The following TAFA1 variants were observed in gnomAD, a reference collection of about 807,000 sequenced individuals.
TAFA1 encodes chemokine-like protein TAFA-1.
In TAFA1, 4 loss-of-function variants were observed where a neutral mutation model predicts 18.5. That is an observed-to-expected ratio of 0.22 (90% CI 0.11 to 0.49). The LOEUF (loss-of-function observed/expected upper bound fraction) is 0.49, where lower values mean the gene tolerates loss of function less well. Ranked by LOEUF, TAFA1 falls within the 20% of genes least tolerant of loss-of-function variation. The probability of loss-of-function intolerance (pLI) is 0.98; values close to 1 mark genes in which losing one functional copy is unlikely to be tolerated. For synonymous variants in TAFA1, 56 were observed against 55.2 expected, an observed-to-expected ratio of 1.01 and a Z score of -0.06; for missense variants, 147 against 169.0, an observed-to-expected ratio of 0.87 and a Z score of 0.72.
chr3:68,524,164 A>G (rs2073069885), intron 3 of TAFA1, among the ~76,000 whole-genome samples: 2 of 152,244 alleles, frequency 1.3e-5, no homozygotes, highest in South Asian at 4.1e-4. Flanking sequence ...CCTCTGTCAC[A>G]TGTCTGATGA....
At chr3:68,534,250 C>G (rs1450800170) in intron 3 of TAFA1, among the ~76,000 whole-genome samples, 1 of 152,144 alleles carries the variant, frequency 6.6e-6, no homozygotes, top group Non-Finnish European at 1.5e-5. Context: ...GGGCTGCTAC[C>G]TGAGAAGTTT....
In TAFA1 at chr3:68,327,662, A is replaced by G. The variant is rs530025367; in HGVS notation, c.119-89618A>G. 8.5e-5 allele frequency among the ~76,000 whole-genome samples: 13 copies of G among 152,356 alleles called. No homozygotes were observed. The South Asian group carries it at 1.0e-3, about 12-fold the overall frequency. ...ATCCTTGGCTCAGTGCTGGGCACAA[A>G]GTGAGTACTCAACAAAGGGCATTAG... On this transcript the variant is annotated intron_variant, in intron 2 of 4. Coordinates refer to ENST00000478136, the MANE Select transcript of TAFA1 (RefSeq NM_213609.4).
chr3:68,377,956 G>C (rs2069851308), intron 2 of TAFA1, among the ~76,000 whole-genome samples: 1 of 152,192 alleles, frequency 6.6e-6, no homozygotes, highest in South Asian at 2.1e-4. Context: ...CAGAAGAATT[G>C]AGGTTTGGGA....
intron 3 of TAFA1, among the ~76,000 whole-genome samples, chr3:68,461,446 A>G (rs2071780074): frequency 6.7e-6 from 1 of 148,814 alleles, no homozygotes; most frequent in South Asian, 2.2e-4. Context: ...ATGTGATCCA[A>G]TTATTTTTCC....
intron 2 of TAFA1, among the ~76,000 whole-genome samples, chr3:68,387,743 A>AGT (rs1161798251): frequency 7.9e-5 from 12 of 152,174 alleles, no homozygotes; most frequent in Non-Finnish European, 1.8e-4. Context: ...GAGGTCCATC[A>AGT]GTAGTACATG....
intron 3 of TAFA1, among the ~76,000 whole-genome samples, chr3:68,524,906 C>T (rs1290814530): frequency 2.0e-5 from 3 of 152,086 alleles, no homozygotes; most frequent in Non-Finnish European, 4.4e-5. Context: ...CTCCCGACCT[C>T]GTGATCCGCC....
At chr3:68,327,645 C>G (rs2068798440) in intron 2 of TAFA1, among the ~76,000 whole-genome samples, 1 of 152,188 alleles carries the variant, frequency 6.6e-6, no homozygotes, top group African/African-American at 2.4e-5. Context: ...AAATCCTTGG[C>G]TCAGTGCTGG....
At chr3:68,037,239 G>A (rs994215197) in intron 2 of TAFA1, among the ~76,000 whole-genome samples, 3 of 152,174 alleles carry the variant, frequency 2.0e-5, no homozygotes, top group African/African-American at 7.2e-5. Context: ...AGTGTGTCTA[G>A]AGAAACTTGA....
At chr3:68,492,686 A>G (rs764504477) in intron 3 of TAFA1, among the ~76,000 whole-genome samples, 1 of 152,210 alleles carries the variant, frequency 6.6e-6, no homozygotes, top group Non-Finnish European at 1.5e-5. Flanking sequence ...TTTTGTAGAA[A>G]AAAACAGAAC....
At chr3:68,320,659 C>A (rs973019125) in intron 2 of TAFA1, among the ~76,000 whole-genome samples, 1 of 152,192 alleles carries the variant, frequency 6.6e-6, no homozygotes, top group African/African-American at 2.4e-5. Context: ...CCTGTTACTG[C>A]TAATACCCAT....
chr3:68,118,025 AT>A (rs1253334621), intron 2 of TAFA1, among the ~76,000 whole-genome samples: 2 of 152,058 alleles, frequency 1.3e-5, no homozygotes, highest in East Asian at 1.9e-4. Context: ...GTTGAAAACA[AT>A]TTTTTTCATG....
intron 2 of TAFA1, among the ~76,000 whole-genome samples, chr3:68,343,557 A>G (rs73838703): frequency 6.6e-6 from 1 of 152,162 alleles, no homozygotes; most frequent in East Asian, 1.9e-4. Flanking sequence ...GTACCCATGG[A>G]TACTACAGTG....
intron 2 of TAFA1, among the ~76,000 whole-genome samples, chr3:68,209,653 C>T (rs1188920842): frequency 6.6e-6 from 1 of 152,018 alleles, no homozygotes; most frequent in African/African-American, 2.4e-5. Context: ...CTCAAAATTG[C>T]AGTCATAGGT....
At chr3:68,275,824 C>T (rs530059348) in intron 2 of TAFA1, among the ~76,000 whole-genome samples, 10 of 152,128 alleles carry the variant, frequency 6.6e-5, no homozygotes, top group Admixed American at 4.6e-4. Flanking sequence ...AATTTGGACT[C>T]GGGACTTGAG....
intron 2 of TAFA1, among the ~76,000 whole-genome samples, chr3:68,329,216 C>CTTTTTTTTTTTTTT (rs10681423): frequency 0.01 from 924 of 89,010 alleles, 7 homozygotes; most frequent in East Asian, 0.019. Flanking sequence ...GCCTGGCTGC[C>CTTTTTTTTTTTTTT]TTTTTTTTTT....
chr3:68,174,964 G>A (rs2066105662), intron 2 of TAFA1, among the ~76,000 whole-genome samples: 1 of 152,190 alleles, frequency 6.6e-6, no homozygotes, highest in Admixed American at 6.5e-5. Flanking sequence ...GGGACTTGGT[G>A]CCCTGCAGCC....
intron 2 of TAFA1, among the ~76,000 whole-genome samples, chr3:68,040,813 T>G (rs182584904): frequency 2.6e-5 from 4 of 152,330 alleles, no homozygotes; most frequent in Admixed American, 2.0e-4. Context: ...TGTTCTAGCC[T>G]TTTATAATTT....
chr3:68,235,358 G>A (rs991166927), intron 2 of TAFA1, among the ~76,000 whole-genome samples: 1 of 152,086 alleles, frequency 6.6e-6, no homozygotes, highest in Non-Finnish European at 1.5e-5. Context: ...CTATTATATT[G>A]ATAGCAGCCT....
chr3:68,188,591 T>C (rs964294747), intron 2 of TAFA1, among the ~76,000 whole-genome samples: 1 of 151,286 alleles, frequency 6.6e-6, no homozygotes, highest in Non-Finnish European at 1.5e-5. Flanking sequence ...TTTATAACAA[T>C]TTGAAACTAA....
Sources: gnomAD v4.1 joint callset for allele counts (sites outside exome capture counted in the v4.1 genomes callset) on GRCh38, gnomAD v4.1.1 for gene constraint, MANE v1.5 for transcripts, NCBI Gene and HGNC (gene_info 2026-07-23, HGNC 2026-07-21) for gene names.